Variants in ITGA8 observed in about 807,000 individuals in gnomAD.
ITGA8 encodes the protein integrin subunit alpha 8.
A neutral mutation model predicts 142.3 loss-of-function variants in ITGA8; 91 were observed. The observed-to-expected ratio is 0.64, with a 90% CI of 0.54 to 0.76. ITGA8 has a LOEUF of 0.76. Among genes scored for constraint, ITGA8 ranks in the 30% least tolerant of loss-of-function variants. The pLI is 0.00. For missense variants in ITGA8, 1,406 were observed against 1,327.7 expected, an observed-to-expected ratio of 1.06 and a Z score of -0.92; for synonymous variants, 505 against 485.2, an observed-to-expected ratio of 1.04 and a Z score of -0.54.
rs1422390742 is a variant in ITGA8 at position 15,616,508 on chromosome 10, A to G, written c.1445+6T>C. ...GAAAAACATTTGAATACTACCAACC[A>G]CATACCTGTAAACAGCGACTTTTCC... On this transcript the variant is annotated splice_donor_region_variant and intron_variant, in intron 14 of 29. Transcript: ENST00000378076. 11 of 1,603,928 alleles carry G rather than the reference A, an allele frequency of 6.9e-6. No homozygotes were observed. Among genetic ancestry groups the G allele is most frequent in the African/African-American group, 2.7e-5 (2 of 74,738 alleles).
Position 15,677,613 on chromosome 10 carries a change from G to T in ITGA8, c.655C>A (p.Pro219Thr). Residue 219 changes from proline (P) to threonine (T), a missense_variant, in exon 6 of 30, where the codon CCT (proline) becomes ACT (threonine). Physicochemically the swap from Pro to Thr is conservative, Grantham distance 38 (BLOSUM62 -1). Transcript: ENST00000378076. ...YKNGDLIVGG[P>T]GSFYWQGQVI... Reference sequence around the variant, plus strand: ...ATACCTTGCCAGTAGAAACTCCCAGGTCCTCCCACAATAAGGTCTCCATTC... The same window carrying T: ...ATACCTTGCCAGTAGAAACTCCCAGTTCCTCCCACAATAAGGTCTCCATTC... 1.2e-6 allele frequency: 2 copies of T among 1,613,286 alleles called. No homozygotes were observed. The highest frequency in any genetic ancestry group is 2.2e-5 in the East Asian group (1 of 44,804).
In ITGA8 at chr10:15,616,570, C is replaced by A; in HGVS notation, c.1400-11G>T. 6.2e-7 allele frequency: 1 copy of A among 1,610,296 alleles called. No individual in the cohort carries two copies. The highest frequency in any genetic ancestry group is 8.5e-7 in the Non-Finnish European group (1 of 1,177,912). ...CACCCACAATCAAATCTTAAAAAGA[C>A]AAAAACACAGAACACATGCGTGAAT... On this transcript the variant is annotated splice_polypyrimidine_tract_variant and intron_variant, in intron 13 of 29. Coordinates refer to ENST00000378076, the MANE Select transcript of ITGA8 (RefSeq NM_003638.3).
chr10:15,680,535 A>G (rs1834718154), intron 4 of ITGA8, among the ~76,000 whole-genome samples: 1 of 152,096 alleles, frequency 6.6e-6, no homozygotes, highest in Non-Finnish European at 1.5e-5. Context: ...ATGTGTAAAT[A>G]TTTATATGCA....
rs1380705679 is a variant in ITGA8, at chr10:15,545,683, TG to T, written c.2880+2771del. On this transcript the variant is annotated intron_variant, in intron 27 of 29. Transcript: ENST00000378076. ...TTACCAACCTACTGCTTAGTTTGCC[TG>T]TTTTTTTTTTTAGCTTTTTATAAAT... Among the ~76,000 whole-genome samples the T allele has an allele frequency of 2.0e-4, 4 of 19,722 alleles. No homozygotes were observed. In the Non-Finnish European group the frequency reaches 2.9e-3, roughly 14 times the overall value. 12.9% of individuals were successfully genotyped at this position (19,722 alleles called of 152,430 possible). A position where few individuals can be genotyped will look rare whatever the true frequency, so the allele number is the denominator to read the frequency against.
chr10:15,716,670 A>T (rs368606836), intron 2 of ITGA8, among the ~76,000 whole-genome samples: 21 of 135,044 alleles, frequency 1.6e-4, no homozygotes, highest in Middle Eastern at 3.8e-3. Context: ...AACCTATTGT[A>T]TTTTTTTTTT....
intron 17 of ITGA8, among the ~76,000 whole-genome samples, chr10:15,607,332 C>G (rs954696410): frequency 6.6e-6 from 1 of 152,108 alleles, no homozygotes; most frequent in Non-Finnish European, 1.5e-5. Flanking sequence ...TAAAATCTAA[C>G]AAGACATACT....
intron 27 of ITGA8, among the ~76,000 whole-genome samples, chr10:15,536,074 C>A (rs1016652936): frequency 3.9e-5 from 6 of 151,948 alleles, no homozygotes; most frequent in African/African-American, 1.5e-4. Flanking sequence ...CACATCCGAA[C>A]ATCAGAAGGA....
In ITGA8 at chr10:15,514,082, A is replaced by G. The variant is rs900685401; in HGVS notation, c.*3076T>C. On this transcript the variant is annotated 3_prime_UTR_variant, in exon 30 of 30. Transcript: ENST00000378076. ...ATGCAGTTTCAGGGGTGACTAGTACATATTATTTTTTTATTTACTGTATAA... is the reference window on the plus strand; with the variant it reads ...ATGCAGTTTCAGGGGTGACTAGTACGTATTATTTTTTTATTTACTGTATAA... The G allele has an allele frequency of 6.6e-6, 1 of 152,106 alleles. No individual in the cohort carries two copies. The highest frequency in any genetic ancestry group is 1.5e-5 in the Non-Finnish European group (1 of 68,042). The allele number at this position is 152,106 out of a possible 1,614,324, so 9.4% of individuals were successfully genotyped here.
rs757422475 is a variant in ITGA8 at position 15,677,572 on chromosome 10, T to C, written c.676+20A>G. ...TTAGTAACAACAAATGTGCTTTTCTTGTCTGCCAACAGAACATACCTTGCC... is the reference window on the plus strand; with the variant it reads ...TTAGTAACAACAAATGTGCTTTTCTCGTCTGCCAACAGAACATACCTTGCC... On this transcript the variant is annotated intron_variant, in intron 6 of 29. Coordinates refer to ENST00000378076, the MANE Select transcript of ITGA8 (RefSeq NM_003638.3). 3 of 1,608,722 alleles carry C rather than the reference T, an allele frequency of 1.9e-6. No individual in the cohort carries two copies. Among genetic ancestry groups the C allele is most frequent in the South Asian group, 1.1e-5 (1 of 90,272 alleles).
intron 23 of ITGA8, among the ~76,000 whole-genome samples, chr10:15,585,400 G>A (rs1027975230): frequency 8.5e-5 from 13 of 152,196 alleles, no homozygotes; most frequent in African/African-American, 2.9e-4. Context: ...AGGGAACAGT[G>A]TATGTTAGAC....
Position 15,719,553 on chromosome 10 carries a change from GGC to G in ITGA8, c.209+8_209+9del. 1 of 1,551,102 alleles carries G rather than the reference GGC, an allele frequency of 6.4e-7. No homozygotes were observed. Among genetic ancestry groups the G allele is most frequent in the Non-Finnish European group, 8.6e-7 (1 of 1,158,192 alleles). On this transcript the variant is annotated splice_region_variant and intron_variant, in intron 1 of 29. Coordinates refer to ENST00000378076, the MANE Select transcript of ITGA8 (RefSeq NM_003638.3). The stretch of plus-strand genomic sequence containing the variant: ...TCCCCGCGCGCACCTCCCCGGGTCG[GGC>G]GACTTACGTGCGGGCGTCGGGTATG...
intron 27 of ITGA8, among the ~76,000 whole-genome samples, chr10:15,537,344 C>G (rs1833466058): frequency 6.6e-6 from 1 of 152,192 alleles, no homozygotes; most frequent in Admixed American, 6.5e-5. Context: ...TAAGCAGAAA[C>G]TGTGGCAGTG....
chr10:15,684,125 G>A lies in ITGA8; in HGVS notation c.447C>T (p.Ala149=). 2 of 1,603,588 alleles carry A rather than the reference G, an allele frequency of 1.2e-6. No homozygotes were observed. Among genetic ancestry groups the A allele is most frequent in the Non-Finnish European group, 1.7e-6 (2 of 1,177,522 alleles). The change falls in exon 4 of 30, where the codon GCC becomes GCT. Residue 149 remains alanine (A), a splice_region_variant and synonymous_variant. Coordinates refer to ENST00000378076, the MANE Select transcript of ITGA8 (RefSeq NM_003638.3). ...TTCTCCAGTGATATAAAGGAGCACA[G>A]GCCTAGGAAACATCAAAGACAAAAA... ...TVKAHKGKVV[A]CAPLYHWRTL... is the part of the protein sequence containing the mutation.
intron 23 of ITGA8, among the ~76,000 whole-genome samples, chr10:15,584,318 AAAG>A (rs887176971): frequency 2.0e-5 from 3 of 152,104 alleles, no homozygotes; most frequent in Non-Finnish European, 4.4e-5. Context: ...AAAGAAAAGA[AAAG>A]AAATATGTGC....
At chr10:15,672,850 C>T in intron 6 of ITGA8, 101 bp from the exon 7 acceptor site, 2 of 1,304,598 alleles carry the variant, frequency 1.5e-6, no homozygotes, top group Non-Finnish European at 2.0e-6. Flanking sequence ...GAATTGCTTG[C>T]TTTTTTGATG....
At chr10:15,637,517 T>TTG (rs1554780459) in intron 13 of ITGA8, among the ~76,000 whole-genome samples, 409 of 149,912 alleles carry the variant, frequency 2.7e-3, no homozygotes, top group Admixed American at 3.3e-3. Flanking sequence ...TTTTTTTTTT[T>TTG]TTTTTGTTTT....
chr10:15,647,129 T>A, intron 11 of ITGA8, 78 bp from the exon 12 acceptor site: 1 of 1,062,092 alleles, frequency 9.4e-7, no homozygotes, highest in Non-Finnish European at 1.4e-6. Context: ...TCAACTAGAC[T>A]AGTAAATTTC....
chr10:15,532,734 G>C (rs1833335728), intron 27 of ITGA8, among the ~76,000 whole-genome samples: 1 of 136,422 alleles, frequency 7.3e-6, no homozygotes, highest in Non-Finnish European at 1.7e-5. Context: ...TGAGACCCAA[G>C]TGTTAATCAT....
intron 2 of ITGA8, among the ~76,000 whole-genome samples, chr10:15,710,045 A>G (rs961350967): frequency 6.6e-6 from 1 of 152,110 alleles, no homozygotes; most frequent in African/African-American, 2.4e-5. Context: ...AGTGAACTCA[A>G]TCATTTCATT....
Sources: allele counts gnomAD v4.1 joint callset (sites outside exome capture counted in the v4.1 genomes callset), GRCh38; gene constraint gnomAD v4.1.1; transcripts MANE v1.5; gene names NCBI Gene and HGNC (gene_info 2026-07-23, HGNC 2026-07-21).